Variants in UQCC2 observed in about 807,000 individuals in gnomAD.
UQCC2 encodes the protein breast cancer-associated protein SGA-81M.
UQCC2 carries 21 observed loss-of-function variants against 19.9 expected under a neutral mutation model. The observed-to-expected ratio is 1.05, with a 90% CI of 0.75 to 1.52. UQCC2 has a LOEUF of 1.52. Among genes scored for constraint, UQCC2 ranks in the 40% most tolerant of loss-of-function variants. The pLI, the probability that UQCC2 is intolerant of heterozygous loss-of-function variation, is 0.00. For missense variants in UQCC2, 135 were observed against 157.5 expected, an observed-to-expected ratio of 0.86 and a Z score of 0.76; for synonymous variants, 57 against 60.9, an observed-to-expected ratio of 0.94 and a Z score of 0.30.
At chr6:33,708,849 G>A (rs12663378) in intron 1 of UQCC2, among the ~76,000 whole-genome samples, 1 of 152,136 alleles carries the variant, frequency 6.6e-6, no homozygotes, top group East Asian at 1.9e-4. Flanking sequence ...GATTTACTAA[G>A]GCCAGGTGCA....
chr6:33,706,249 A>C (rs1765696747), intron 1 of UQCC2, among the ~76,000 whole-genome samples: 1 of 152,242 alleles, frequency 6.6e-6, no homozygotes, highest in Admixed American at 6.5e-5. Context: ...ATCTATAAAA[A>C]AAGGTTTTCA....
At chr6:33,707,682 C>T (rs1169414399) in intron 1 of UQCC2, among the ~76,000 whole-genome samples, 2 of 152,184 alleles carry the variant, frequency 1.3e-5, no homozygotes, top group Admixed American at 6.5e-5. Flanking sequence ...GTGTGCAGTC[C>T]GGGATCTTTT....
rs939235491 is a variant in UQCC2 at position 33,697,331 on chromosome 6, C to T, written c.*322G>A. 3.4e-5 allele frequency: 9 copies of T among 262,200 alleles called. No individual in the cohort carries two copies. Among genetic ancestry groups the T allele is most frequent in the Non-Finnish European group, 5.7e-5 (8 of 139,186 alleles). The allele number at this position is 262,200 out of a possible 1,614,324, so 16.2% of individuals were successfully genotyped here. On this transcript the variant is annotated 3_prime_UTR_variant, in exon 4 of 4. Coordinates refer to ENST00000607484, the MANE Select transcript of UQCC2 (RefSeq NM_032340.4). ...GTATCTTGCCAGGAGACACCAGACC[C>T]GTGCCAGAGGGGCGGGGGCTCCCGT...
rs190159764 is a variant in UQCC2 at position 33,711,407 on chromosome 6, G to C, written c.138+142C>G. On this transcript the variant is annotated intron_variant, in intron 1 of 3. Transcript: ENST00000607484. ...CGGGCGTCGCTATCAGTAGCTCCCT[G>C]GGGGAAAAAGGGGGTCCGCGCTCAC... 596 of 1,234,818 alleles carry C rather than the reference G, an allele frequency of 4.8e-4. 1 individual carries two copies. In the African/African-American group the frequency reaches 5.4e-3, roughly 11 times the overall value. The allele number at this position is 1,234,818 out of a possible 1,614,324, so 76.5% of individuals were successfully genotyped here. A position where few individuals can be genotyped will look rare whatever the true frequency, so the allele number is the denominator to read the frequency against.
chr6:33,709,245 T>C (rs1422686884), intron 1 of UQCC2, among the ~76,000 whole-genome samples: 1 of 152,194 alleles, frequency 6.6e-6, no homozygotes, highest in Non-Finnish European at 1.5e-5. Context: ...TTCCCAAACA[T>C]GGTAAGCTCT....
At chr6:33,707,253 G>A (rs1765711273) in intron 1 of UQCC2, among the ~76,000 whole-genome samples, 1 of 152,164 alleles carries the variant, frequency 6.6e-6, no homozygotes, top group South Asian at 2.1e-4. Flanking sequence ...GGTTTTCGAT[G>A]GGCTCAATAC....
chr6:33,710,498 A>G (rs1346159591), intron 1 of UQCC2, among the ~76,000 whole-genome samples: 2 of 152,084 alleles, frequency 1.3e-5, no homozygotes, highest in Non-Finnish European at 2.9e-5. Context: ...AAACATGTCA[A>G]TCTGCCTCCT....
At chr6:33,700,351 A>G (rs1765624637) in intron 3 of UQCC2, 93 bp downstream of exon 3, 1 of 1,426,824 alleles carries the variant, frequency 7.0e-7, no homozygotes, top group African/African-American at 1.4e-5. Context: ...ACTTTCCATC[A>G]AGCAAAACTG....
chr6:33,703,234 G>A (rs957214455), intron 1 of UQCC2, among the ~76,000 whole-genome samples: 2 of 152,126 alleles, frequency 1.3e-5, no homozygotes, highest in South Asian at 2.1e-4. Context: ...GCGTGATCTC[G>A]GCTCACTGCA....
intron 1 of UQCC2, 54 bp from the exon 2 acceptor site, chr6:33,701,474 G>A: frequency 1.3e-6 from 2 of 1,555,584 alleles, no homozygotes; most frequent in Non-Finnish European, 1.8e-6. Context: ...GCCTCCCACA[G>A]TGTCTGTACC....
chr6:33,701,415 T>C lies in UQCC2; in HGVS notation c.144A>G (p.Ala48=), dbSNP rs1387217453. The part of the protein sequence containing the change: ...AFREGENTQV[A]EPEACDQMYE... ...ACATCTGATCACAGGCCTCAGGCTC[T>C]GCAACCTGAAAAGCAAAGAATCCCA... Residue 48 remains alanine, a synonymous_variant, in exon 2 of 4, where the codon GCA becomes GCG. Coordinates refer to ENST00000607484, the MANE Select transcript of UQCC2 (RefSeq NM_032340.4). The C allele has an allele frequency of 1.2e-6, 2 of 1,613,368 alleles. No individual in the cohort carries two copies. Among genetic ancestry groups the C allele is most frequent in the East Asian group, 2.2e-5 (1 of 44,828 alleles).
chr6:33,705,985 T>G (rs1237809234), intron 1 of UQCC2, among the ~76,000 whole-genome samples: 1 of 152,188 alleles, frequency 6.6e-6, no homozygotes. Context: ...TATAGCTCTA[T>G]TTTTGCTCCT....
intron 1 of UQCC2, among the ~76,000 whole-genome samples, chr6:33,706,378 C>T (rs1765698035): frequency 6.6e-6 from 1 of 152,160 alleles, no homozygotes; most frequent in Non-Finnish European, 1.5e-5. Context: ...CACTAGGGGA[C>T]GGTGAGGGGC....
intron 1 of UQCC2, among the ~76,000 whole-genome samples, chr6:33,711,155 C>A (rs903548433): frequency 2.0e-5 from 3 of 152,140 alleles, no homozygotes; most frequent in African/African-American, 7.2e-5. Flanking sequence ...AAGACCCCAC[C>A]CCTAGAGATT....
At position 33,700,491 on chromosome 6, in the gene UQCC2, C is replaced by T; in HGVS notation, c.236G>A (p.Ser79Asn). The T allele has an allele frequency of 6.2e-7, 1 of 1,614,186 alleles. No individual in the cohort carries two copies. Among genetic ancestry groups the T allele is most frequent in the Non-Finnish European group, 8.5e-7 (1 of 1,180,026 alleles). Reference sequence around the variant, plus strand: ...CTCTTCCAACGACAGGCCACTGAAGCTGGTGTCTCTGGGGCGAGGGTACTG... The same window carrying T: ...CTCTTCCAACGACAGGCCACTGAAGTTGGTGTCTCTGGGGCGAGGGTACTG... Reference protein sequence around the residue: ...KHKYPRPRDTSFSGLSLEEYK... With the variant: ...KHKYPRPRDTNFSGLSLEEYK... Residue 79 changes from serine (S) to asparagine (N), a missense_variant, in exon 3 of 4, where the codon AGC becomes AAC. By Grantham distance (46) the Ser-to-Asn change is conservative (BLOSUM62 1). Coordinates refer to ENST00000607484, the MANE Select transcript of UQCC2 (RefSeq NM_032340.4).
chr6:33,704,538 A>G (rs1309597456), intron 1 of UQCC2, among the ~76,000 whole-genome samples: 2 of 152,150 alleles, frequency 1.3e-5, no homozygotes, highest in Non-Finnish European at 2.9e-5. Flanking sequence ...TGAGCTCTCC[A>G]TGGTCTGCCG....
chr6:33,706,354 T>C (rs773679526), intron 1 of UQCC2, among the ~76,000 whole-genome samples: 4 of 152,126 alleles, frequency 2.6e-5, no homozygotes, highest in African/African-American at 9.7e-5. Context: ...GCACCTACTA[T>C]AGAAAGAGTG....
chr6:33,709,783 T>C (rs965581282), intron 1 of UQCC2, among the ~76,000 whole-genome samples: 12 of 151,684 alleles, frequency 7.9e-5, no homozygotes, highest in African/African-American at 2.2e-4. Context: ...AAAAAACCCA[T>C]GTTCCTTCTG....
intron 3 of UQCC2, chr6:33,698,746 A>G (rs906381557): frequency 2.0e-5 from 3 of 152,162 alleles, no homozygotes; most frequent in Non-Finnish European, 2.9e-5. Flanking sequence ...CGCTGCCCGC[A>G]CCACCAGTTG....
Sources: gnomAD v4.1 joint callset for allele counts (sites outside exome capture counted in the v4.1 genomes callset) on GRCh38, gnomAD v4.1.1 for gene constraint, MANE v1.5 for transcripts, NCBI Gene and HGNC (gene_info 2026-07-23, HGNC 2026-07-21) for gene names.